The following MLLT6 variants were observed in gnomAD, a reference collection of about 807,000 sequenced individuals.
The protein encoded by MLLT6 is protein AF-17.
MLLT6 carries 22 observed loss-of-function variants against 103.0 expected under a neutral mutation model. The ratio of observed to expected loss-of-function variants is 0.21; its 90% CI spans 0.15 to 0.31. The LOEUF (loss-of-function observed/expected upper bound fraction) is 0.31, where lower values mean the gene tolerates loss of function less well. MLLT6 is among the 10% of genes least tolerant of loss of function. The pLI, the probability that MLLT6 is intolerant of heterozygous loss-of-function variation, is 1.00. For synonymous variants in MLLT6, 606 were observed against 623.5 expected (o/e 0.97, Z 0.42); for missense variants, 1,199 against 1,441.7 (o/e 0.83, Z 2.73).
Position 38,709,325 on chromosome 17 carries a change from C to A in MLLT6, c.458+49C>A. The A allele has an allele frequency of 6.7e-7, 1 of 1,493,910 alleles. No homozygotes were observed. The highest frequency in any genetic ancestry group is 9.3e-7 in the Non-Finnish European group (1 of 1,070,516). The allele number at this position is 1,493,910 out of a possible 1,614,324, so 92.5% of individuals were successfully genotyped here. On this transcript the variant is annotated intron_variant, in intron 5 of 19. Transcript: ENST00000621332. The surrounding 1 kb of genome is among the most constrained non-coding windows in gnomAD (Gnocchi z 4.3). Reference sequence around the variant, plus strand: ...TGCCCCCCGGGTTTGTCCTGGATGGCCACTGATCAGGCTCATCCTAGCTGC... The same window carrying A: ...TGCCCCCCGGGTTTGTCCTGGATGGACACTGATCAGGCTCATCCTAGCTGC...
Position 38,727,134 on chromosome 17 carries a change from T to G in MLLT6, c.*1536T>G, listed in dbSNP as rs1017872390. On this transcript the variant is annotated 3_prime_UTR_variant, in exon 20 of 20. Coordinates refer to ENST00000621332, the MANE Select transcript of MLLT6 (RefSeq NM_005937.4). Reference sequence around the variant, plus strand: ...TTCTGTTTGGGTTTTTGTTGTTGGGTTTTTTTTTTTTTTTTAATAAAGAAA... The same window carrying G: ...TTCTGTTTGGGTTTTTGTTGTTGGGGTTTTTTTTTTTTTTTAATAAAGAAA... 7 of 148,530 alleles carry G rather than the reference T, an allele frequency of 4.7e-5. No individual in the cohort carries two copies. The highest frequency in any genetic ancestry group is 1.3e-4 in the East Asian group (1 of 7,734). 9.2% of individuals were successfully genotyped at this position (148,530 alleles called of 1,614,324 possible).
In MLLT6 at chr17:38,720,764, G is replaced by T. The variant is rs748210765; in HGVS notation, c.2442+17G>T. On this transcript the variant is annotated intron_variant, in intron 16 of 19. Transcript: ENST00000621332. ...TCTTCTGAGGTGGGCGCTACGAGGAGTGGGGCAGGAAGGAGGGGGAGACTC... is the reference window on the plus strand; with the variant it reads ...TCTTCTGAGGTGGGCGCTACGAGGATTGGGGCAGGAAGGAGGGGGAGACTC... The T allele has an allele frequency of 3.1e-6, 5 of 1,611,122 alleles. No homozygotes were observed. Among genetic ancestry groups the T allele is most frequent in the Non-Finnish European group, 4.2e-6 (5 of 1,178,000 alleles).
chr17:38,720,186 C>G (rs1271231205), intron 14 of MLLT6, 186 bp from the exon 15 acceptor site: 1 of 697,036 alleles, frequency 1.4e-6, no homozygotes, highest in African/African-American at 1.8e-5. Flanking sequence ...AGGCTCCGCC[C>G]CAGGTCTTCA....
chr17:38,723,035 A>G (rs1321828981), intron 18 of MLLT6, among the ~76,000 whole-genome samples: 2 of 152,110 alleles, frequency 1.3e-5, no homozygotes, highest in Non-Finnish European at 2.9e-5. Flanking sequence ...GGAGGGCAGC[A>G]AGTCCTCAGT....
intron 13 of MLLT6, 49 bp downstream of exon 13, chr17:38,719,632 CCG>C: frequency 6.4e-7 from 1 of 1,574,002 alleles, no homozygotes; most frequent in Non-Finnish European, 8.6e-7. Flanking sequence ...GGAGGGACAC[CCG>C]AGGGAGGAGG....
At position 38,709,284 on chromosome 17, in the gene MLLT6, C is replaced by A; in HGVS notation, c.458+8C>A. ...AGCTTTCCACGTCACCTGGTGAGAC[C>A]CCTGTCCCACCCCCCTGCCCCCCGG... On this transcript the variant is annotated splice_region_variant and intron_variant, in intron 5 of 19. Transcript: ENST00000621332. The surrounding 1 kb of genome is among the most constrained non-coding windows in gnomAD (Gnocchi z 4.3). 1 of 1,601,992 alleles carries A rather than the reference C, an allele frequency of 6.2e-7. No individual in the cohort carries two copies. Among genetic ancestry groups the A allele is most frequent in the Non-Finnish European group, 8.6e-7 (1 of 1,168,940 alleles).
intron 14 of MLLT6, 28 bp from the exon 15 acceptor site, chr17:38,720,344 T>A: frequency 1.1e-4 from 21 of 195,898 alleles, no homozygotes; most frequent in Non-Finnish European, 1.4e-4. Context: ...CCCTCGCCCC[T>A]CCCTCAGGTT....
chr17:38,712,642 C>T (rs536896247), intron 7 of MLLT6, 49 bp from the exon 8 acceptor site: 9 of 1,269,528 alleles, frequency 7.1e-6, no homozygotes, highest in Admixed American at 3.4e-5. Context: ...TGTTTGTCCT[C>T]GCCCAGACAG....
In MLLT6 at chr17:38,712,793, CTGCTGCCCACCT is replaced by C; in HGVS notation, c.819+6_819+17del. The C allele has an allele frequency of 6.2e-7, 1 of 1,606,804 alleles. No homozygotes were observed. The highest frequency in any genetic ancestry group is 8.5e-7 in the Non-Finnish European group (1 of 1,173,642). On this transcript the variant is annotated splice_donor_5th_base_variant and intron_variant, in intron 8 of 19. Transcript: ENST00000621332. ...CGTGGTCCCCACTGCTGACAAGGTA[CTGCTGCCCACCT>C]TCAGGAGGGATGGTGTGTGGGTCTG... is the stretch of plus-strand genomic sequence containing the variant.
intron 16 of MLLT6, 44 bp from the exon 17 acceptor site, chr17:38,721,834 G>C: frequency 7.1e-7 from 1 of 1,405,826 alleles, no homozygotes; most frequent in South Asian, 1.3e-5. Context: ...GGCCAGAAAA[G>C]TCATGCTGGC....
Position 38,716,126 on chromosome 17 carries a change from A to C in MLLT6, c.1037-241A>C, listed in dbSNP as rs182491504. 54 of 597,916 alleles carry C rather than the reference A, an allele frequency of 9.0e-5. No individual in the cohort carries two copies. The highest frequency in any genetic ancestry group is 8.3e-4 in the African/African-American group (45 of 53,934). The allele number at this position is 597,916 out of a possible 1,614,324, so 37.0% of individuals were successfully genotyped here. On this transcript the variant is annotated intron_variant, in intron 9 of 19. Transcript: ENST00000621332. This position sits in a 1 kb window ranked among gnomAD's most constrained non-coding sequence, Gnocchi z 5.6. ...ACCCCCATTAACATTTTCTCCTATA[A>C]TCGCTACAGTCATCTGGTGAGGCCA...
At chr17:38,720,803 T>A in intron 16 of MLLT6, 56 bp downstream of exon 16, 1 of 1,452,822 alleles carries the variant, frequency 6.9e-7, no homozygotes. Context: ...GCTCTCCTGG[T>A]CCCATCTCTT....
At chr17:38,713,233 A>G in intron 8 of MLLT6, 1 of 535,158 alleles carries the variant, frequency 1.9e-6, no homozygotes, top group Non-Finnish European at 3.3e-6. Context: ...AGTTCTGACC[A>G]AGGTGGCATG....
rs1181548678 is a variant in MLLT6 at position 38,706,012 on chromosome 17, G to GCCCCACA, written c.109+274_109+280dup. ...AGGGAGCAATGAGTGAACTCCCCAC[G>GCCCCACA]CCCCACACCGCGGGTGTCGGGGCTG... On this transcript the variant is annotated intron_variant, in intron 1 of 19. Transcript: ENST00000621332. The GCCCCACA allele has an allele frequency of 1.3e-4, 24 of 187,214 alleles. No homozygotes were observed. The Admixed American group carries it at 1.5e-3, about 11-fold the overall frequency. The allele number at this position is 187,214 out of a possible 1,614,324, so 11.6% of individuals were successfully genotyped here. A position where few individuals can be genotyped will look rare whatever the true frequency, so the allele number is the denominator to read the frequency against.
In MLLT6 at chr17:38,729,126, C is replaced by T. The variant is rs555942151; in HGVS notation, c.*3528C>T. On this transcript the variant is annotated 3_prime_UTR_variant, in exon 20 of 20. Transcript: ENST00000621332. ...GAGAAAGGGTAACCTCCACGCTTCT[C>T]TCTCCCAAATTGGAAATGAAGACAG... The T allele has an allele frequency of 4.3e-6, 1 of 233,388 alleles. No individual in the cohort carries two copies. Among genetic ancestry groups the T allele is most frequent in the East Asian group, 6.0e-5 (1 of 16,592 alleles). The allele number at this position is 233,388 out of a possible 1,614,324, so 14.5% of individuals were successfully genotyped here.
chr17:38,720,310 C>CG, intron 14 of MLLT6, 62 bp from the exon 15 acceptor site: 7 of 668,626 alleles, frequency 1.0e-5, no homozygotes, highest in African/African-American at 1.8e-5. Flanking sequence ...GCCCCGCCCC[C>CG]GGTCCCCTGG....
Position 38,722,244 on chromosome 17 carries a change from C to G in MLLT6, c.2792+17C>G, listed in dbSNP as rs908152981. On this transcript the variant is annotated intron_variant, in intron 17 of 19. Transcript: ENST00000621332. Reference sequence around the variant, plus strand: ...TCTCAACAGGTGAGGGAGAGCTCAGCCCTGGGAAGGGGAACAGGGTGGGGG... The same window carrying G: ...TCTCAACAGGTGAGGGAGAGCTCAGGCCTGGGAAGGGGAACAGGGTGGGGG... The G allele has an allele frequency of 2.9e-6, 4 of 1,367,374 alleles. No individual in the cohort carries two copies. The highest frequency in any genetic ancestry group is 2.6e-4 in the Middle Eastern group (1 of 3,876). 84.7% of individuals were successfully genotyped at this position (1,367,374 alleles called of 1,614,324 possible).
intron 17 of MLLT6, 128 bp downstream of exon 17, chr17:38,722,355 A>G (rs1905804827): frequency 1.4e-6 from 1 of 725,640 alleles, no homozygotes; most frequent in South Asian, 2.3e-5. Context: ...AGGGTATATA[A>G]TCCTAGTCAC....
intron 12 of MLLT6, chr17:38,718,220 C>T (rs899313746): frequency 3.0e-6 from 1 of 331,356 alleles, no homozygotes; most frequent in Non-Finnish European, 5.5e-6. Flanking sequence ...ACTAAAAATA[C>T]AAAAAGTAGC....
Sources: gnomAD v4.1 joint callset for allele counts (sites outside exome capture counted in the v4.1 genomes callset) on GRCh38, gnomAD v4.1.1 for gene constraint, Gnocchi (gnomAD v3.1) non-coding constraint, MANE v1.5 for transcripts, NCBI Gene and HGNC (gene_info 2026-07-23, HGNC 2026-07-21) for gene names.